The following KLRG1 variants were observed in gnomAD, a reference collection of about 807,000 sequenced individuals.
The protein encoded by KLRG1 is killer cell lectin-like receptor subfamily G member 1.
KLRG1 carries 16 observed loss-of-function variants against 21.8 expected under a neutral mutation model. The ratio of observed to expected loss-of-function variants is 0.73; its 90% CI spans 0.50 to 1.11. The LOEUF is 1.11. Among genes scored for constraint, KLRG1 ranks in the 50% most tolerant of loss-of-function variants. The pLI is 0.00. For synonymous variants in KLRG1, 69 were observed against 75.9 expected (o/e 0.91, Z 0.47); for missense variants, 173 against 218.3 (o/e 0.79, Z 1.31).
the KLRG1 span, among the ~76,000 whole-genome samples, chr12:9,148,508 A>T: frequency 6.6e-6 from 1 of 152,008 alleles, no homozygotes; most frequent in African/African-American, 2.4e-5. Flanking sequence ...ATGCACTTTA[A>T]TTATCAATTC....
In KLRG1 at chr12:9,010,196, A is replaced by G. The variant is rs1053232996; in HGVS notation, c.*659A>G. 1.3e-5 allele frequency: 7 copies of G among 541,662 alleles called. No individual in the cohort carries two copies. Among genetic ancestry groups the G allele is most frequent in the African/African-American group, 1.9e-5 (1 of 52,306 alleles). The allele number at this position is 541,662 out of a possible 1,614,324, so 33.6% of individuals were successfully genotyped here. ...GCAAGACTCCATCTCTAAAAAAAAA[A>G]AAAAATGCTAATGTGAGAATATAAA... On this transcript the variant is annotated 3_prime_UTR_variant, in exon 5 of 5. Coordinates refer to ENST00000356986, the MANE Select transcript of KLRG1 (RefSeq NM_005810.4).
At chr12:9,178,903 T>C in the KLRG1 span, among the ~76,000 whole-genome samples, 9 of 152,124 alleles carry the variant, frequency 5.9e-5, no homozygotes, top group South Asian at 8.3e-4. Context: ...GATATAGTTA[T>C]CTCACAGTTT....
chr12:9,124,376 A>T, the KLRG1 span, among the ~76,000 whole-genome samples: 1 of 151,930 alleles, frequency 6.6e-6, no homozygotes, highest in East Asian at 1.9e-4. Flanking sequence ...CTCCTGCTCT[A>T]TGGAGCAGGT....
At chr12:9,035,323 C>T in the KLRG1 span, among the ~76,000 whole-genome samples, 3 of 152,106 alleles carry the variant, frequency 2.0e-5, no homozygotes, top group Non-Finnish European at 2.9e-5. Context: ...TGGAAACCAT[C>T]ATTCTCAGCA....
the KLRG1 span, among the ~76,000 whole-genome samples, chr12:9,132,217 A>G: frequency 5.9e-5 from 9 of 152,246 alleles, no homozygotes; most frequent in African/African-American, 1.4e-4. Flanking sequence ...GGGCAATTCT[A>G]TCAACCTTGG....
At chr12:9,193,249 T>C in the KLRG1 span, among the ~76,000 whole-genome samples, 3 of 152,224 alleles carry the variant, frequency 2.0e-5, no homozygotes, top group Non-Finnish European at 2.9e-5. Flanking sequence ...TTGCAGATAA[T>C]GTTTTGCGCA....
chr12:9,032,903 T>G, the KLRG1 span, among the ~76,000 whole-genome samples: 1 of 152,174 alleles, frequency 6.6e-6, no homozygotes, highest in Non-Finnish European at 1.5e-5. Context: ...TTCCCCATTC[T>G]CTAGCCCTCT....
chr12:9,148,985 T>C, the KLRG1 span: 28 of 1,611,554 alleles, frequency 1.7e-5, no homozygotes, highest in Non-Finnish European at 2.4e-5. Flanking sequence ...AACATTTCCA[T>C]GCTCTGTATC....
intron 1 of KLRG1, among the ~76,000 whole-genome samples, chr12:8,964,016 T>A (rs1946423192): frequency 6.6e-6 from 1 of 152,186 alleles, no homozygotes; most frequent in African/African-American, 2.4e-5. Context: ...TTTGAAGGGT[T>A]TTTTGTGTCT....
chr12:9,016,223 T>A, the KLRG1 span, among the ~76,000 whole-genome samples: 4 of 152,004 alleles, frequency 2.6e-5, no homozygotes, highest in Non-Finnish European at 5.9e-5. Context: ...CACAAGTTGG[T>A]TTTTTTGAAA....
intron 1 of KLRG1, among the ~76,000 whole-genome samples, chr12:8,977,206 G>A (rs1460049815): frequency 1.1e-5 from 1 of 92,748 alleles, no homozygotes; most frequent in Non-Finnish European, 2.6e-5. Context: ...ACTAGCTACT[G>A]ATTTTTTTTT....
intron 3 of KLRG1, among the ~76,000 whole-genome samples, chr12:8,999,722 C>A (rs1310766323): frequency 6.6e-6 from 1 of 152,132 alleles, no homozygotes; most frequent in South Asian, 2.1e-4. Flanking sequence ...TCTCAGTTTC[C>A]TCATGTACAA....
At chr12:8,953,047 A>ACCC (rs34775195) in intron 1 of KLRG1, among the ~76,000 whole-genome samples, 3 of 146,276 alleles carry the variant, frequency 2.1e-5, no homozygotes, top group African/African-American at 7.8e-5. Context: ...AGCTAGTGAC[A>ACCC]CCCCCCCCCC....
downstream of KLRG1, among the ~76,000 whole-genome samples, chr12:9,011,855 G>A (rs114298721): frequency 0.015 from 2,295 of 152,176 alleles, 54 homozygotes; most frequent in African/African-American, 0.052. Flanking sequence ...AGTGGAACTC[G>A]GTGCAGCTCT....
At chr12:9,204,564 CTCAG>C in the KLRG1 span, among the ~76,000 whole-genome samples, 62 of 152,258 alleles carry the variant, frequency 4.1e-4, no homozygotes, top group Middle Eastern at 6.8e-3. Flanking sequence ...TCAGATACAG[CTCAG>C]TCAAAGTCAA....
chr12:9,206,346 C>G, the KLRG1 span, among the ~76,000 whole-genome samples: 1 of 151,850 alleles, frequency 6.6e-6, no homozygotes, highest in Non-Finnish European at 1.5e-5. Context: ...ATTTGATATT[C>G]TAAAGAACTA....
At chr12:9,092,701 G>A in the KLRG1 span, among the ~76,000 whole-genome samples, 1 of 152,124 alleles carries the variant, frequency 6.6e-6, no homozygotes, top group Admixed American at 6.5e-5. Context: ...AAAACAGTAT[G>A]GAGATACCTC....
At chr12:9,050,712 C>T in the KLRG1 span, among the ~76,000 whole-genome samples, 3 of 152,100 alleles carry the variant, frequency 2.0e-5, no homozygotes, top group South Asian at 2.1e-4. Context: ...TCGCGCTCCA[C>T]GGAGCAGGCA....
chr12:9,192,771 T>G, the KLRG1 span: 1 of 1,456,548 alleles, frequency 6.9e-7, no homozygotes, highest in Non-Finnish European at 9.6e-7. Flanking sequence ...GAAAGAATAC[T>G]GTCTTGAAAT....
Sources: gnomAD v4.1 joint callset for allele counts (sites outside exome capture counted in the v4.1 genomes callset) on GRCh38, gnomAD v4.1.1 for gene constraint, MANE v1.5 for transcripts, NCBI Gene and HGNC (gene_info 2026-07-23, HGNC 2026-07-21) for gene names.